The following UNC79 variants were observed in gnomAD, a reference collection of about 807,000 sequenced individuals.
UNC79 encodes the protein unc-79 subunit of NALCN channel complex, also known as protein unc-79 homolog.
Under a neutral mutation model 283.1 loss-of-function variants are expected in UNC79, and 37 were observed. That is an observed-to-expected ratio of 0.13 (90% confidence interval 0.10 to 0.17). The LOEUF is 0.17. Ranked by LOEUF, UNC79 falls within the 10% of genes least tolerant of loss-of-function variation. UNC79 has a pLI of 1.00. For missense variants in UNC79, 2,272 were observed against 3,211.1 expected (o/e 0.71, Z 7.07); for synonymous variants, 1,107 against 1,200.2 (o/e 0.92, Z 1.61).
At chr14:93,487,695 C>G in exon 5 of UNC79, 1 of 1,613,916 alleles carries the variant, frequency 6.2e-7, no homozygotes, top group Non-Finnish European at 8.5e-7. Context: ...TGTACCTGCC[C>G]ATGTTAACCT....
chr14:93,342,713 C>T (rs2053739212), intron 1 of UNC79, among the ~76,000 whole-genome samples: 1 of 152,224 alleles, frequency 6.6e-6, no homozygotes. Context: ...TTCATAAATG[C>T]ATATGACTGT....
intron 1 of UNC79, among the ~76,000 whole-genome samples, chr14:93,467,307 A>G (rs2057236975): frequency 6.6e-6 from 1 of 152,234 alleles, no homozygotes; most frequent in South Asian, 2.1e-4. Flanking sequence ...ACTTATATCT[A>G]TTATTATTTT....
At chr14:93,537,314 T>G (rs1030105401) in intron 11 of UNC79, among the ~76,000 whole-genome samples, 1 of 152,230 alleles carries the variant, frequency 6.6e-6, no homozygotes, top group African/African-American at 2.4e-5. Flanking sequence ...TCACTTCATT[T>G]GCGGTTCCCT....
chr14:93,583,063 T>C (rs1016233418), intron 20 of UNC79, among the ~76,000 whole-genome samples: 1 of 152,102 alleles, frequency 6.6e-6, no homozygotes, highest in African/African-American at 2.4e-5. Flanking sequence ...GGCTCATACC[T>C]GTAATCCCAG....
chr14:93,620,479 C>T (rs534930671), intron 29 of UNC79, among the ~76,000 whole-genome samples: 1 of 152,080 alleles, frequency 6.6e-6, no homozygotes, highest in South Asian at 2.1e-4. Flanking sequence ...AAGATCCACT[C>T]ATTTTGTTTA....
At chr14:93,646,699 T>C (rs1385068019) in intron 35 of UNC79, 53 bp downstream of exon 38, 2 of 1,594,016 alleles carry the variant, frequency 1.3e-6, no homozygotes, top group East Asian at 4.5e-5. Flanking sequence ...TCTGTGCATG[T>C]TCATCCTGTT....
At chr14:93,662,408 C>T (rs1364810214) in intron 39 of UNC79, among the ~76,000 whole-genome samples, 196 bp from the exon 43 acceptor site, 2 of 152,166 alleles carry the variant, frequency 1.3e-5, no homozygotes, top group African/African-American at 4.8e-5. Flanking sequence ...TGATTTGGTC[C>T]TGCTCTTTGA....
At chr14:93,333,361 T>C in exon 1 of UNC79, 2 of 398,480 alleles carry the variant, frequency 5.0e-6, no homozygotes, top group Non-Finnish European at 4.4e-6. Flanking sequence ...CGTCACCAGA[T>C]GGCCATTTCC....
At chr14:93,575,314 C>A in intron 17 of UNC79, 116 bp downstream of exon 17, 1 of 1,286,830 alleles carries the variant, frequency 7.8e-7, no homozygotes. Flanking sequence ...TTCAGCCCAT[C>A]TCGCTGTGTT....
In UNC79 at chr14:93,611,026, C is replaced by T. The variant is rs2066264976; in HGVS notation, c.3755-1771C>T. On this transcript the variant is annotated intron_variant, in intron 26 of 48. Transcript: ENST00000555664. ...CAAATCATATATTATGAACCACATG[C>T]TGTGATGCTTCACCTTTCTAGCCTC... Among the ~76,000 whole-genome samples the T allele has an allele frequency of 2.0e-5, 3 of 152,300 alleles. No individual in the cohort carries two copies. In the South Asian group the frequency reaches 6.2e-4, roughly 32 times the overall value.
chr14:93,568,455 C>T (rs985511109), intron 14 of UNC79, among the ~76,000 whole-genome samples: 2 of 152,082 alleles, frequency 1.3e-5, no homozygotes, highest in Non-Finnish European at 2.9e-5. Flanking sequence ...GCATGGATCA[C>T]CTGAGGTCAG....
upstream of UNC79, among the ~76,000 whole-genome samples, chr14:93,428,776 A>C (rs1012406746): frequency 1.3e-5 from 2 of 152,170 alleles, no homozygotes; most frequent in African/African-American, 2.4e-5. Context: ...GACAACCTTT[A>C]ATGTGACTAT....
intron 1 of UNC79, among the ~76,000 whole-genome samples, chr14:93,366,036 T>A (rs1236332035): frequency 6.6e-6 from 1 of 152,232 alleles, no homozygotes. Context: ...AGTAATCACA[T>A]CTTTTATTGT....
intron 22 of UNC79, among the ~76,000 whole-genome samples, chr14:93,588,109 G>A (rs964660137): frequency 1.3e-5 from 2 of 152,152 alleles, no homozygotes; most frequent in Non-Finnish European, 2.9e-5. Context: ...GCCGGATGGT[G>A]TGGATGTAAG....
chr14:93,600,241 A>C (rs573168959), intron 24 of UNC79, among the ~76,000 whole-genome samples: 1 of 152,180 alleles, frequency 6.6e-6, no homozygotes, highest in South Asian at 2.1e-4. Context: ...ACAACAACAA[A>C]AAACCCAGAT....
At chr14:93,411,505 G>T (rs891992969) in intron 1 of UNC79, among the ~76,000 whole-genome samples, 1 of 152,250 alleles carries the variant, frequency 6.6e-6, no homozygotes, top group African/African-American at 2.4e-5. Flanking sequence ...GCCCAGTGCT[G>T]TGCTGACCCA....
At chr14:93,689,319 T>G (rs1357709282) in intron 44 of UNC79, 1 of 155,124 alleles carries the variant, frequency 6.4e-6, no homozygotes, top group East Asian at 1.9e-4. Context: ...CAGAGTAGGT[T>G]TGAGCCCACC....
chr14:93,704,094 C>G (rs2075710618), intron 47 of UNC79, among the ~76,000 whole-genome samples: 1 of 152,186 alleles, frequency 6.6e-6, no homozygotes, highest in South Asian at 2.1e-4. Context: ...TGCTGCTTGG[C>G]TGTGTGTGCT....
intron 5 of UNC79, among the ~76,000 whole-genome samples, chr14:93,493,439 A>G (rs1436273011): frequency 6.6e-6 from 1 of 152,208 alleles, no homozygotes; most frequent in Non-Finnish European, 1.5e-5. Flanking sequence ...CCCCTGCTGC[A>G]GTTGAGAACG....
Sources: gnomAD v4.1 joint callset for allele counts (sites outside exome capture counted in the v4.1 genomes callset) on GRCh38, gnomAD v4.1.1 for gene constraint, MANE v1.5 for transcripts, NCBI Gene and HGNC (gene_info 2026-07-23, HGNC 2026-07-21) for gene names.